SNX13: variants seen among roughly 807,000 people sequenced by gnomAD.
SNX13 encodes the protein sorting nexin-13.
A neutral mutation model predicts 133.6 loss-of-function variants in SNX13; 45 were observed. That is an observed-to-expected ratio of 0.34 (90% CI 0.27 to 0.43). The LOEUF is 0.43. Among genes scored for constraint, SNX13 ranks in the 20% least tolerant of loss-of-function variants. The probability of loss-of-function intolerance (pLI) is 1.00; values close to 1 mark genes in which losing one functional copy is unlikely to be tolerated. For synonymous variants in SNX13, 414 were observed against 373.9 expected (o/e 1.11, Z -1.24); for missense variants, 1,032 against 1,145.1 (o/e 0.90, Z 1.43).
intron 13 of SNX13, among the ~76,000 whole-genome samples, chr7:17,838,711 G>A (rs772215017): frequency 6.6e-6 from 1 of 151,746 alleles, no homozygotes; most frequent in African/African-American, 2.4e-5. Context: ...TGTTGACTCA[G>A]AGGCTATTTA....
chr7:17,837,639 C>A (rs975797564), intron 13 of SNX13, among the ~76,000 whole-genome samples: 6 of 151,882 alleles, frequency 4.0e-5, no homozygotes, highest in African/African-American at 1.5e-4. Context: ...TATAGGCTAT[C>A]CAGGCCTACA....
intron 22 of SNX13, among the ~76,000 whole-genome samples, chr7:17,800,778 C>T (rs1167180186): frequency 2.0e-5 from 3 of 151,252 alleles, no homozygotes; most frequent in Non-Finnish European, 4.4e-5. Flanking sequence ...ACGCATAAGA[C>T]AGAACATTCA....
intron 5 of SNX13, chr7:17,889,719 A>T (rs908453990): frequency 2.6e-5 from 4 of 152,172 alleles, no homozygotes; most frequent in Non-Finnish European, 4.4e-5. Flanking sequence ...AAAAAAATCA[A>T]GCAGTTTAAG....
In SNX13 at chr7:17,873,618, TA is replaced by T; in HGVS notation, c.665-3del. 6.5e-7 allele frequency: 1 copy of T among 1,539,174 alleles called. No homozygotes were observed. The highest frequency in any genetic ancestry group is 2.3e-5 in the East Asian group (1 of 42,832). Reference sequence around the variant, plus strand: ...CCTCACACAAATCCCTTAGGAATCCTAAAAGTAGAAAAAGTAGCTATCATAA... The same window carrying T: ...CCTCACACAAATCCCTTAGGAATCCTAAAGTAGAAAAAGTAGCTATCATAA... On this transcript the variant is annotated splice_region_variant and splice_polypyrimidine_tract_variant and intron_variant, in intron 7 of 25. Coordinates refer to ENST00000428135, the MANE Select transcript of SNX13 (RefSeq NM_015132.5).
At chr7:17,871,777 C>T (rs942288129) in intron 8 of SNX13, among the ~76,000 whole-genome samples, 1 of 152,168 alleles carries the variant, frequency 6.6e-6, no homozygotes, top group Non-Finnish European at 1.5e-5. Flanking sequence ...TCCCCTACTG[C>T]AACAGTTGCT....
In SNX13 at chr7:17,839,981, T is replaced by A. The variant is rs767401146; in HGVS notation, c.1185A>T (p.Gly395=). The A allele has an allele frequency of 1.9e-6, 3 of 1,609,116 alleles. No homozygotes were observed. In the African/African-American group the frequency reaches 4.0e-5, roughly 22 times the overall value. The change falls in exon 13 of 26, where the codon GGA becomes GGT. Residue 395 remains glycine (G), a synonymous_variant. Transcript: ENST00000428135. ...QFFMDYMQQT[G]GQAHLFFWMT... ...TCCAAAAGAATAGATGTGCTTGACC[T>A]CCAGTTTGCTGCATGTAATCTAGCA... is the stretch of plus-strand genomic sequence containing the variant.
At chr7:17,869,034 G>A (rs190571317) in intron 8 of SNX13, among the ~76,000 whole-genome samples, 233 of 151,992 alleles carry the variant, frequency 1.5e-3, no homozygotes, top group African/African-American at 5.1e-3. Context: ...TATGTTAATC[G>A]ATTCAACATT....
chr7:17,845,717 G>A, intron 11 of SNX13, 23 bp from the exon 12 acceptor site: 3 of 1,457,688 alleles, frequency 2.1e-6, no homozygotes, highest in Non-Finnish European at 2.8e-6. Context: ...GTGAATATAA[G>A]TTAATATTTT....
intron 5 of SNX13, among the ~76,000 whole-genome samples, chr7:17,885,656 C>T (rs1421035974): frequency 1.3e-5 from 2 of 152,062 alleles, no homozygotes; most frequent in African/African-American, 4.8e-5. Flanking sequence ...GGTGAAACCC[C>T]GTCTCTACTA....
intron 5 of SNX13, among the ~76,000 whole-genome samples, chr7:17,876,886 C>T (rs773013004): frequency 3.3e-5 from 5 of 151,240 alleles, no homozygotes; most frequent in African/African-American, 9.7e-5. Flanking sequence ...AATTAATTCA[C>T]CCAGGAACAT....
intron 15 of SNX13, among the ~76,000 whole-genome samples, chr7:17,833,612 G>A (rs2128311169): frequency 6.6e-6 from 1 of 151,748 alleles, no homozygotes; most frequent in Non-Finnish European, 1.5e-5. Context: ...CTCACACTGT[G>A]TAGAATTTGG....
At chr7:17,861,348 A>T (rs1029793355) in intron 9 of SNX13, among the ~76,000 whole-genome samples, 80 of 73,156 alleles carry the variant, frequency 1.1e-3, no homozygotes, top group Non-Finnish European at 2.2e-3. Context: ...TATCTCACAC[A>T]CACACACACA....
intron 12 of SNX13, among the ~76,000 whole-genome samples, chr7:17,841,841 A>T (rs1056225987): frequency 6.6e-6 from 1 of 152,074 alleles, no homozygotes; most frequent in Non-Finnish European, 1.5e-5. Flanking sequence ...AATAAAATGG[A>T]GGTGAAAAGT....
At chr7:17,915,735 T>C (rs1187319795) in intron 1 of SNX13, among the ~76,000 whole-genome samples, 1 of 152,098 alleles carries the variant, frequency 6.6e-6, no homozygotes, top group Non-Finnish European at 1.5e-5. Context: ...ACTGACAACA[T>C]AAGATAGATC....
chr7:17,819,981 A>C (rs1196171335), intron 18 of SNX13, among the ~76,000 whole-genome samples: 1 of 152,184 alleles, frequency 6.6e-6, no homozygotes, highest in East Asian at 1.9e-4. Context: ...TTTGAAAAAG[A>C]AATTGTGCTG....
At chr7:17,895,088 A>G (rs73081401) in intron 2 of SNX13, among the ~76,000 whole-genome samples, 10,954 of 152,294 alleles carry the variant, frequency 0.072, 487 homozygotes, top group Non-Finnish European at 0.097. Context: ...TATAGACAAA[A>G]TAAAATGTTT....
chr7:17,875,728 T>C lies in SNX13; in HGVS notation c.503A>G (p.His168Arg). Residue 168 changes from histidine (H) to arginine (R), a missense_variant, in exon 6 of 26, where the codon CAC becomes CGC. By Grantham distance (29) the His-to-Arg change is conservative. Coordinates refer to ENST00000428135, the MANE Select transcript of SNX13 (RefSeq NM_015132.5). ...TTGAGCCTTTCTGAATACTCGTAAG[T>C]GTGTGCCAAAGTCATCTACAATGCG... ...TTRIVDDFGT[H>R]LRVFRKAQQK... is the part of the protein sequence containing the mutation. The C allele has an allele frequency of 6.2e-7, 1 of 1,612,966 alleles. No homozygotes were observed.
rs1036975782 is a variant in SNX13 at position 17,793,581 on chromosome 7, T to A, written c.*464A>T. The A allele has an allele frequency of 6.5e-6, 1 of 153,390 alleles. No homozygotes were observed. The highest frequency in any genetic ancestry group is 2.4e-5 in the African/African-American group (1 of 41,412). The allele number at this position is 153,390 out of a possible 1,614,324, so 9.5% of individuals were successfully genotyped here. ...ATTCACCTGGCTAATCCACAATATA[T>A]CAAAATGCTGACAGACCTACAAAAT... On this transcript the variant is annotated 3_prime_UTR_variant, in exon 26 of 26. Coordinates refer to ENST00000428135, the MANE Select transcript of SNX13 (RefSeq NM_015132.5).
At position 17,799,170 on chromosome 7, in the gene SNX13, A is replaced by C; in HGVS notation, c.2299-16T>G. 1.3e-6 allele frequency: 2 copies of C among 1,580,924 alleles called. No homozygotes were observed. Among genetic ancestry groups the C allele is most frequent in the Non-Finnish European group, 8.6e-7 (1 of 1,165,744 alleles). ...TGTCATCCACCTGACAAAATATAAG[A>C]AATAAGAATAAGTTTGAGTTAGCTA... On this transcript the variant is annotated splice_polypyrimidine_tract_variant and intron_variant, in intron 22 of 25. Coordinates refer to ENST00000428135, the MANE Select transcript of SNX13 (RefSeq NM_015132.5).
Sources: gnomAD v4.1 joint callset for allele counts (sites outside exome capture counted in the v4.1 genomes callset) on GRCh38, gnomAD v4.1.1 for gene constraint, MANE v1.5 for transcripts, NCBI Gene and HGNC (gene_info 2026-07-23, HGNC 2026-07-21) for gene names.